Variants in GRK4 observed in about 807,000 individuals in gnomAD.
The protein encoded by GRK4 is G protein-coupled receptor kinase 4.
A neutral mutation model predicts 77.9 loss-of-function variants in GRK4; 73 were observed. The observed-to-expected ratio is 0.94, with a 90% CI of 0.78 to 1.14. The LOEUF is 1.14. GRK4 is among the 50% of genes most tolerant of loss of function. GRK4 has a pLI of 0.00. For missense variants in GRK4, 729 were observed against 700.2 expected (o/e 1.04, Z -0.46); for synonymous variants, 257 against 254.4 (o/e 1.01, Z -0.10).
chr4:3,027,734 G>A (rs1737965201), intron 10 of GRK4, among the ~76,000 whole-genome samples, 178 bp from the exon 11 acceptor site: 1 of 152,158 alleles, frequency 6.6e-6, no homozygotes, highest in Non-Finnish European at 1.5e-5. Context: ...AAAATGCATT[G>A]TATGGAATTT....
In GRK4 at chr4:2,963,898, G is replaced by GCCAGGACATGGA; in HGVS notation, c.-173_-172insCCAGGACATGGA. Reference sequence around the variant, plus strand: ...GAGGGCCTGCGGAGGCGGCGGCGGCGGCGCCCTTGGTGGCAGTGGTGGCGG... The same window carrying GCCAGGACATGGA: ...GAGGGCCTGCGGAGGCGGCGGCGGCGCCAGGACATGGAGCGCCCTTGGTGGCAGTGGTGGCGG... On this transcript the variant is annotated 5_prime_UTR_variant, in exon 1 of 16. The change creates a new upstream start codon in the 5' untranslated region. Transcript: ENST00000398052. 1.5e-6 allele frequency: 1 copy of GCCAGGACATGGA among 672,458 alleles called. No individual in the cohort carries two copies. Among genetic ancestry groups the GCCAGGACATGGA allele is most frequent in the Non-Finnish European group, 2.6e-6 (1 of 384,486 alleles). 41.7% of individuals were successfully genotyped at this position (672,458 alleles called of 1,614,324 possible).
Position 3,021,991 on chromosome 4 carries a change from C to G in GRK4, c.933-423C>G, listed in dbSNP as rs530471062. Among the ~76,000 whole-genome samples, 176 of 152,298 alleles carry G rather than the reference C, an allele frequency of 1.2e-3. 7 individuals carry two copies. The highest frequency in any genetic ancestry group is 2.4e-3 in the Admixed American group (37 of 15,296). ...CCGATGGTCCCAGTGACATTCCCAC[C>G]TCAGCCCCCTGAGTAGCTGGGACTA... On this transcript the variant is annotated intron_variant, in intron 9 of 15. Coordinates refer to ENST00000398052, the MANE Select transcript of GRK4 (RefSeq NM_182982.3).
In GRK4 at chr4:2,988,850, T is replaced by G; in HGVS notation, c.261+11T>G. Reference sequence around the variant, plus strand: ...TTCTTGGATGCAGTGGTGAGCAGTTTATCTCCATATTGAGCAACCACCCAA... The same window carrying G: ...TTCTTGGATGCAGTGGTGAGCAGTTGATCTCCATATTGAGCAACCACCCAA... On this transcript the variant is annotated intron_variant, in intron 3 of 15. Coordinates refer to ENST00000398052, the MANE Select transcript of GRK4 (RefSeq NM_182982.3). 2 of 1,480,128 alleles carry G rather than the reference T, an allele frequency of 1.4e-6. No individual in the cohort carries two copies. The highest frequency in any genetic ancestry group is 9.5e-7 in the Non-Finnish European group (1 of 1,057,954). 91.7% of individuals were successfully genotyped at this position (1,480,128 alleles called of 1,614,324 possible). A position where few individuals can be genotyped will look rare whatever the true frequency, so the allele number is the denominator to read the frequency against.
intron 7 of GRK4, among the ~76,000 whole-genome samples, chr4:3,010,198 C>T (rs1384270248): frequency 3.9e-5 from 6 of 151,900 alleles, no homozygotes; most frequent in African/African-American, 1.2e-4. Flanking sequence ...GACTCACAGA[C>T]TCACGAGGGG....
intron 10 of GRK4, among the ~76,000 whole-genome samples, chr4:3,027,703 C>A (rs377133569): frequency 6.6e-6 from 1 of 152,224 alleles, no homozygotes; most frequent in East Asian, 1.9e-4. Flanking sequence ...AGGCAAAAAT[C>A]GAATTTTCCT....
intron 8 of GRK4, among the ~76,000 whole-genome samples, chr4:3,014,522 G>A (rs996451838): frequency 4.0e-5 from 6 of 151,502 alleles, no homozygotes; most frequent in Admixed American, 6.6e-5. Context: ...GGCCAGGCGC[G>A]GTGGCTCACA....
At position 3,007,801 on chromosome 4, in the gene GRK4, A is replaced by T. The variant is rs767847908; in HGVS notation, c.509A>T (p.Gln170Leu). The T allele has an allele frequency of 6.2e-7, 1 of 1,612,018 alleles. No homozygotes were observed. The highest frequency in any genetic ancestry group is 1.1e-5 in the South Asian group (1 of 90,654). ...TACCAAGAAAGCTCATATTTTTCTCAGTTTTTACAATGGAAATGGCTGGAA... is the reference window on the plus strand; with the variant it reads ...TACCAAGAAAGCTCATATTTTTCTCTGTTTTTACAATGGAAATGGCTGGAA... Reference protein sequence around the residue: ...EEYQESSYFSQFLQWKWLERQ... With the variant: ...EEYQESSYFSLFLQWKWLERQ... The change falls in exon 6 of 16, where the codon CAG becomes CTG. Residue 170 changes from glutamine (Q) to leucine (L), a missense_variant. By Grantham distance (113) the Gln-to-Leu change is moderately radical. Transcript: ENST00000398052.
intron 2 of GRK4, 27 bp downstream of exon 2, chr4:2,984,635 T>G: frequency 8.0e-7 from 1 of 1,244,836 alleles, no homozygotes; most frequent in South Asian, 1.3e-5. Flanking sequence ...TACTAATGCT[T>G]GGATGGTACA....
chr4:2,982,135 G>C (rs755204912), intron 1 of GRK4, among the ~76,000 whole-genome samples: 2 of 152,256 alleles, frequency 1.3e-5, no homozygotes, highest in African/African-American at 2.4e-5. Context: ...GGGATGCCCA[G>C]GTCAGCAGCT....
At chr4:3,022,197 A>G (rs1736274914) in intron 9 of GRK4, among the ~76,000 whole-genome samples, 1 of 152,232 alleles carries the variant, frequency 6.6e-6, no homozygotes, top group Admixed American at 6.5e-5. Context: ...CTGTATAACT[A>G]TGCAAAGAAG....
chr4:2,995,435 G>A (rs1014648212), intron 4 of GRK4, among the ~76,000 whole-genome samples: 5 of 150,908 alleles, frequency 3.3e-5, no homozygotes, highest in Admixed American at 2.0e-4. Flanking sequence ...TTGGGAGGCC[G>A]AGGCGGGCAG....
At chr4:3,007,919 C>T in intron 6 of GRK4, 91 bp downstream of exon 6, 1 of 845,368 alleles carries the variant, frequency 1.2e-6, no homozygotes, top group East Asian at 2.6e-5. Flanking sequence ...TGAAGGATTG[C>T]TTAAGCCCAA....
intron 7 of GRK4, among the ~76,000 whole-genome samples, chr4:3,010,285 G>A (rs1398126263): frequency 6.6e-6 from 1 of 152,060 alleles, no homozygotes; most frequent in Non-Finnish European, 1.5e-5. Flanking sequence ...GGAGTGCAAT[G>A]GCGTGATCTC....
At chr4:3,024,881 A>G (rs963879527) in intron 10 of GRK4, among the ~76,000 whole-genome samples, 1 of 152,054 alleles carries the variant, frequency 6.6e-6, no homozygotes, top group Non-Finnish European at 1.5e-5. Flanking sequence ...ACAAACAACA[A>G]CAACAACAAC....
chr4:3,021,627 G>C (rs987325760), intron 9 of GRK4, among the ~76,000 whole-genome samples: 2 of 152,196 alleles, frequency 1.3e-5, no homozygotes, highest in Admixed American at 6.5e-5. Context: ...AGACACAGAG[G>C]TGGTCGCCTG....
intron 7 of GRK4, among the ~76,000 whole-genome samples, chr4:3,010,214 T>G (rs1009940247): frequency 6.6e-6 from 1 of 151,824 alleles, no homozygotes; most frequent in Non-Finnish European, 1.5e-5. Context: ...AGGGGTGTTT[T>G]TTTTGTTTTG....
At chr4:2,989,212 G>A (rs1441982302) in intron 3 of GRK4, among the ~76,000 whole-genome samples, 1 of 151,776 alleles carries the variant, frequency 6.6e-6, no homozygotes, top group Non-Finnish European at 1.5e-5. Flanking sequence ...ACTAGACCTG[G>A]GCAATGATGT....
chr4:3,034,440 C>T (rs1294885739), intron 12 of GRK4, among the ~76,000 whole-genome samples: 1 of 152,202 alleles, frequency 6.6e-6, no homozygotes, highest in African/African-American at 2.4e-5. Flanking sequence ...TCGATAAAGC[C>T]TTGTTTCCAA....
intron 8 of GRK4, among the ~76,000 whole-genome samples, chr4:3,018,793 G>A (rs964045607): frequency 1.3e-5 from 2 of 151,922 alleles, no homozygotes; most frequent in Non-Finnish European, 2.9e-5. Flanking sequence ...CAGGAGAATC[G>A]CTTGAAACCT....
Sources: allele counts gnomAD v4.1 joint callset (sites outside exome capture counted in the v4.1 genomes callset), GRCh38; gene constraint gnomAD v4.1.1; transcripts MANE v1.5; gene names NCBI Gene and HGNC (gene_info 2026-07-23, HGNC 2026-07-21).